The following DLGAP1 variants were observed in gnomAD, a reference collection of about 807,000 sequenced individuals.
DLGAP1 encodes DLG associated protein 1.
Under a neutral mutation model 90.8 loss-of-function variants are expected in DLGAP1, and 11 were observed. The observed-to-expected ratio is 0.12, with a 90% CI of 0.08 to 0.20. The LOEUF is 0.20. Ranked by LOEUF, DLGAP1 falls within the 10% of genes least tolerant of loss-of-function variation. The pLI is 1.00. For missense variants in DLGAP1, 1,050 were observed against 1,333.8 expected (o/e 0.79, Z 3.31); for synonymous variants, 558 against 540.7 (o/e 1.03, Z -0.44).
chr18:4,184,068 A>G (rs1475623456), intron 1 of DLGAP1, among the ~76,000 whole-genome samples: 2 of 152,186 alleles, frequency 1.3e-5, no homozygotes, highest in African/African-American at 4.8e-5. Flanking sequence ...CAGAAAGAAG[A>G]GCGTTAAATA....
At chr18:3,858,311 C>A (rs578202780) in intron 4 of DLGAP1, among the ~76,000 whole-genome samples, 3 of 151,974 alleles carry the variant, frequency 2.0e-5, no homozygotes, top group Non-Finnish European at 2.9e-5. Flanking sequence ...AAAACTTTAA[C>A]CATCAGTTCC....
rs556514457 is a variant in DLGAP1, at chr18:4,091,507, A to C, written c.-159+59673T>G. Among the ~76,000 whole-genome samples, 20 of 152,310 alleles carry C rather than the reference A, an allele frequency of 1.3e-4. 1 individual carries two copies. In the South Asian group the frequency reaches 4.2e-3, roughly 32 times the overall value. ...TCTGTCTCACATTTCAATTATACAT[A>C]TATTCAATCATTTGATATTGTTTAA... On this transcript the variant is annotated intron_variant, in intron 2 of 12. Coordinates refer to ENST00000315677, the MANE Select transcript of DLGAP1 (RefSeq NM_004746.4).
At chr18:3,943,704 T>A (rs1403818026) in intron 3 of DLGAP1, among the ~76,000 whole-genome samples, 1 of 152,240 alleles carries the variant, frequency 6.6e-6, no homozygotes, top group Non-Finnish European at 1.5e-5. Flanking sequence ...TGGGTTTGTG[T>A]CCTTTCCAAA....
At chr18:4,048,779 A>C (rs959049109) in intron 2 of DLGAP1, among the ~76,000 whole-genome samples, 2 of 152,246 alleles carry the variant, frequency 1.3e-5, no homozygotes, top group African/African-American at 4.8e-5. Flanking sequence ...TTGGGATGAA[A>C]AAGAAAAGCT....
intron 2 of DLGAP1, among the ~76,000 whole-genome samples, chr18:4,062,407 T>C (rs1250670330): frequency 6.6e-6 from 1 of 152,158 alleles, no homozygotes; most frequent in Non-Finnish European, 1.5e-5. Context: ...ACAGGGTACC[T>C]GATTTGTGGT....
chr18:4,401,545 A>T (rs2144529762), intron 1 of DLGAP1, among the ~76,000 whole-genome samples: 1 of 152,272 alleles, frequency 6.6e-6, no homozygotes, highest in South Asian at 2.1e-4. Flanking sequence ...AGTGATATTT[A>T]ATCATTAGTG....
At chr18:3,812,923 A>AAAAT (rs1265027589) in intron 5 of DLGAP1, among the ~76,000 whole-genome samples, 15 of 152,354 alleles carry the variant, frequency 9.8e-5, no homozygotes, top group African/African-American at 3.6e-4. Context: ...TCATTTCATC[A>AAAAT]AAATATGGAA....
At chr18:4,444,250 C>T (rs2083607329) in intron 1 of DLGAP1, among the ~76,000 whole-genome samples, 1 of 152,156 alleles carries the variant, frequency 6.6e-6, no homozygotes, top group African/African-American at 2.4e-5. Flanking sequence ...CCCATCTCAC[C>T]TTAAGAAATA....
chr18:3,986,522 A>C (rs1046699698), intron 3 of DLGAP1: 1 of 152,074 alleles, frequency 6.6e-6, no homozygotes, highest in Non-Finnish European at 1.5e-5. Flanking sequence ...GTGGGATTCC[A>C]AGTGTGTACT....
At chr18:4,392,341 A>T (rs1463680491) in intron 1 of DLGAP1, among the ~76,000 whole-genome samples, 1 of 152,108 alleles carries the variant, frequency 6.6e-6, no homozygotes, top group African/African-American at 2.4e-5. Flanking sequence ...CTGTTCACTT[A>T]TTGTTTGATT....
chr18:3,679,451 C>A (rs1221975577), intron 7 of DLGAP1, among the ~76,000 whole-genome samples: 2 of 151,656 alleles, frequency 1.3e-5, no homozygotes, highest in Non-Finnish European at 2.9e-5. Flanking sequence ...CATGTGTAGC[C>A]GCGCCAAGAA....
intron 1 of DLGAP1, among the ~76,000 whole-genome samples, chr18:4,320,202 C>T (rs933979947): frequency 6.6e-6 from 1 of 152,052 alleles, no homozygotes; most frequent in South Asian, 2.1e-4. Context: ...TCTGTTTCTT[C>T]CTCCCACGAT....
At chr18:4,069,458 T>TG (rs2075415899) in intron 2 of DLGAP1, among the ~76,000 whole-genome samples, 1 of 152,250 alleles carries the variant, frequency 6.6e-6, no homozygotes, top group African/African-American at 2.4e-5. Context: ...TGGGGCCTGG[T>TG]GGGAGGTGAT....
At chr18:3,626,239 A>G (rs79437576) in intron 7 of DLGAP1, among the ~76,000 whole-genome samples, 1 of 150,182 alleles carries the variant, frequency 6.7e-6, no homozygotes, top group Non-Finnish European at 1.5e-5. Flanking sequence ...TACAATGAGT[A>G]GTGATCGCGC....
intron 3 of DLGAP1, among the ~76,000 whole-genome samples, chr18:3,953,736 C>T (rs1232326358): frequency 6.6e-6 from 1 of 152,080 alleles, no homozygotes; most frequent in African/African-American, 2.4e-5. Context: ...AATGGTTGTT[C>T]TATTTTTAGT....
intron 7 of DLGAP1, among the ~76,000 whole-genome samples, chr18:3,688,985 C>A (rs1417697181): frequency 2.0e-5 from 3 of 152,128 alleles, no homozygotes; most frequent in Admixed American, 1.3e-4. Flanking sequence ...TTACCTTTAG[C>A]GGATCTGGTT....
At chr18:4,069,684 G>A (rs186396322) in intron 2 of DLGAP1, among the ~76,000 whole-genome samples, 65 of 152,270 alleles carry the variant, frequency 4.3e-4, no homozygotes, top group Admixed American at 1.2e-3. Context: ...CCCAGAAGCT[G>A]AGCAGATGCC....
chr18:4,198,408 T>C (rs1292444002), intron 1 of DLGAP1, among the ~76,000 whole-genome samples: 1 of 152,156 alleles, frequency 6.6e-6, no homozygotes, highest in East Asian at 1.9e-4. Flanking sequence ...CCAAAGGCCA[T>C]GATAACTTGT....
rs1555621484 is a variant in DLGAP1 at position 4,454,406 on chromosome 18, TTCTC to T, written c.-267+596_-267+599del. 3.3e-5 allele frequency among the ~76,000 whole-genome samples: 5 copies of T among 150,544 alleles called. No homozygotes were observed. Among genetic ancestry groups the T allele is most frequent in the South Asian group, 2.1e-4 (1 of 4,768 alleles). On this transcript the variant is annotated intron_variant, in intron 1 of 12. Transcript: ENST00000315677. This position sits in a 1 kb window ranked among gnomAD's most constrained non-coding sequence, Gnocchi z 4.7. ...CAGTGACCTCCTCCTTGGACCCCAT[TTCTC>T]TCTCTCTCTCTCTCTCTGTGCCTGT...
Sources: gnomAD v4.1 joint callset for allele counts (sites outside exome capture counted in the v4.1 genomes callset) on GRCh38, gnomAD v4.1.1 for gene constraint, Gnocchi (gnomAD v3.1) non-coding constraint, MANE v1.5 for transcripts, NCBI Gene and HGNC (gene_info 2026-07-23, HGNC 2026-07-21) for gene names.